The following CRACDL variants were observed in gnomAD, a reference collection of about 807,000 sequenced individuals.
CRACDL encodes CRACD-like protein.
Under a neutral mutation model 70.6 loss-of-function variants are expected in CRACDL, and 26 were observed. The observed-to-expected ratio is 0.37, with a 90% CI of 0.27 to 0.51. The LOEUF is 0.51. Ranked by LOEUF, CRACDL falls within the 20% of genes least tolerant of loss-of-function variation. The pLI is 0.94. For synonymous variants in CRACDL, 618 were observed against 615.2 expected (o/e 1.00, Z -0.07); for missense variants, 1,283 against 1,376.9 (o/e 0.93, Z 1.08).
chr2:98,873,850 A>G (rs1707413522), intron 1 of CRACDL, among the ~76,000 whole-genome samples: 2 of 152,050 alleles, frequency 1.3e-5, no homozygotes, highest in South Asian at 4.2e-4. Context: ...TACTAAAAAT[A>G]CAAAAATTAG....
chr2:98,913,098 A>G (rs1403798973), intron 1 of CRACDL: 1 of 152,214 alleles, frequency 6.6e-6, no homozygotes, highest in Non-Finnish European at 1.5e-5. Flanking sequence ...TTGATCAGAA[A>G]AGAAGGGAGA....
At chr2:98,913,288 A>C (rs1317613423) in intron 1 of CRACDL, among the ~76,000 whole-genome samples, 2 of 152,270 alleles carry the variant, frequency 1.3e-5, no homozygotes, top group East Asian at 1.9e-4. Flanking sequence ...AAGTGTGTGG[A>C]GTGCTGTCTA....
intron 1 of CRACDL, among the ~76,000 whole-genome samples, chr2:98,909,442 C>T (rs769368695): frequency 6.6e-6 from 1 of 152,188 alleles, no homozygotes; most frequent in African/African-American, 2.4e-5. Flanking sequence ...GTTATGATTA[C>T]GAGATAAGGA....
At chr2:98,901,962 G>T (rs1180212629) in intron 1 of CRACDL, among the ~76,000 whole-genome samples, 1 of 152,114 alleles carries the variant, frequency 6.6e-6, no homozygotes, top group Non-Finnish European at 1.5e-5. Context: ...ACAAAGGTGG[G>T]CGCAATGAAG....
At chr2:98,874,690 C>T (rs1217283879) in intron 1 of CRACDL, among the ~76,000 whole-genome samples, 1 of 152,216 alleles carries the variant, frequency 6.6e-6, no homozygotes, top group African/African-American at 2.4e-5. Context: ...GTGACAGAAC[C>T]AGTGGTTCCT....
chr2:98,933,922 G>T (rs1365949816), intron 1 of CRACDL, among the ~76,000 whole-genome samples: 1 of 152,160 alleles, frequency 6.6e-6, no homozygotes, highest in Non-Finnish European at 1.5e-5. Flanking sequence ...TGGCAGGTTG[G>T]GTGTCTGGTG....
chr2:98,869,260 C>T, intron 1 of CRACDL: 2 of 1,255,558 alleles, frequency 1.6e-6, no homozygotes, highest in Non-Finnish European at 2.1e-6. Flanking sequence ...GTCCCCATCT[C>T]TCACAGAAGT....
intron 1 of CRACDL, among the ~76,000 whole-genome samples, chr2:98,882,071 A>G (rs1707668126): frequency 6.6e-6 from 1 of 152,252 alleles, no homozygotes; most frequent in African/African-American, 2.4e-5. Flanking sequence ...GACAGTCTCC[A>G]GAACAAAAGG....
At position 98,822,634 on chromosome 2, in the gene CRACDL, C is replaced by G; in HGVS notation, c.1639G>C (p.Ala547Pro). 2 of 1,365,966 alleles carry G rather than the reference C, an allele frequency of 1.5e-6. No individual in the cohort carries two copies. Among genetic ancestry groups the G allele is most frequent in the Non-Finnish European group, 1.9e-6 (2 of 1,069,132 alleles). 84.6% of individuals were successfully genotyped at this position (1,365,966 alleles called of 1,614,324 possible). ...PERPKAERAE[A>P]PPAGAERAAP... is the part of the protein sequence containing the mutation. ...GCCCTCTCGGCGCCCGCCGGTGGCG[C>G]CTCGGCTCGCTCGGCCTTGGGGCGC... Residue 547 changes from alanine (A) to proline (P), a missense_variant, in exon 7 of 10, where the codon GCG (alanine) becomes CCG (proline). Physicochemically the swap from Ala to Pro is conservative, Grantham distance 27. Around this residue, in one of 2 missense-constraint regions of CRACDL, gnomAD observed 921 missense variants for 881.9 expected, o/e 1.04. Coordinates refer to ENST00000397899, the MANE Select transcript of CRACDL (RefSeq NM_207362.3). This position sits in a 1 kb window ranked among gnomAD's most constrained non-coding sequence, Gnocchi z 4.9.
intron 1 of CRACDL, among the ~76,000 whole-genome samples, chr2:98,875,020 C>A (rs1439201605): frequency 6.6e-6 from 1 of 152,208 alleles, no homozygotes; most frequent in Non-Finnish European, 1.5e-5. Context: ...TTCCCTCCCA[C>A]CTGGAGCCCA....
At chr2:98,910,844 TCTTACGGGTGACAGGA>T (rs1358610544) in intron 1 of CRACDL, among the ~76,000 whole-genome samples, 1 of 152,216 alleles carries the variant, frequency 6.6e-6, no homozygotes, top group Non-Finnish European at 1.5e-5. Context: ...TGGTGCCTCC[TCTTACGGGTGACAGGA>T]GGATTAAATG....
At chr2:98,895,704 G>C (rs1434553470) in intron 1 of CRACDL, among the ~76,000 whole-genome samples, 1 of 152,152 alleles carries the variant, frequency 6.6e-6, no homozygotes, top group Non-Finnish European at 1.5e-5. Context: ...AGGATCTCAT[G>C]ATCAAATTCA....
intron 1 of CRACDL, among the ~76,000 whole-genome samples, chr2:98,909,344 A>G (rs1386388077): frequency 1.3e-5 from 2 of 152,216 alleles, no homozygotes; most frequent in African/African-American, 4.8e-5. Flanking sequence ...CTTCTGGTTT[A>G]CACATAAAAA....
chr2:98,929,859 T>C (rs1709026511), intron 1 of CRACDL, among the ~76,000 whole-genome samples: 1 of 152,028 alleles, frequency 6.6e-6, no homozygotes, highest in Admixed American at 6.5e-5. Context: ...GAGGAGGAGA[T>C]ACGAGCTCTA....
chr2:98,914,736 G>A (rs942244771), intron 1 of CRACDL, among the ~76,000 whole-genome samples: 1 of 152,188 alleles, frequency 6.6e-6, no homozygotes, highest in African/African-American at 2.4e-5. Context: ...CAGTGTCTCT[G>A]CTGAACGTGG....
intron 1 of CRACDL, among the ~76,000 whole-genome samples, chr2:98,934,045 C>T (rs1331525701): frequency 6.6e-6 from 1 of 152,146 alleles, no homozygotes; most frequent in Non-Finnish European, 1.5e-5. Context: ...CATGACCTAT[C>T]ACTTCCCAAA....
At chr2:98,864,548 CTTTT>C (rs1048618234) in intron 1 of CRACDL, among the ~76,000 whole-genome samples, 3 of 141,802 alleles carry the variant, frequency 2.1e-5, no homozygotes, top group African/African-American at 2.6e-5. Flanking sequence ...TGATTGTACC[CTTTT>C]TTTTTTTTTT....
chr2:98,807,952 G>C (rs1425871287), intron 7 of CRACDL, among the ~76,000 whole-genome samples: 1 of 152,190 alleles, frequency 6.6e-6, no homozygotes, highest in African/African-American at 2.4e-5. Context: ...CCCTGAAACA[G>C]TGCTGCCCAG....
intron 7 of CRACDL, 151 bp downstream of exon 7, chr2:98,821,706 C>G: frequency 9.6e-7 from 1 of 1,042,914 alleles, no homozygotes; most frequent in South Asian, 1.6e-5. Context: ...TGCTCTAGAT[C>G]AGACATGATG....
Sources: allele counts gnomAD v4.1 joint callset (sites outside exome capture counted in the v4.1 genomes callset), GRCh38; gene constraint gnomAD v4.1.1; regional missense constraint gnomAD v4.1.1; non-coding constraint Gnocchi (gnomAD v3.1); transcripts MANE v1.5; gene names NCBI Gene and HGNC (gene_info 2026-07-23, HGNC 2026-07-21).